The following NECTIN3 variants were observed in gnomAD, a reference collection of about 807,000 sequenced individuals.
NECTIN3 encodes the protein nectin cell adhesion molecule 3.
A neutral mutation model predicts 49.4 loss-of-function variants in NECTIN3; 8 were observed. The ratio of observed to expected loss-of-function variants is 0.16; its 90% CI spans 0.10 to 0.29. The LOEUF (loss-of-function observed/expected upper bound fraction) is 0.29. Ranked by LOEUF, NECTIN3 falls within the 10% of genes least tolerant of loss-of-function variation. The pLI is 1.00. For synonymous variants in NECTIN3, 277 were observed against 241.1 expected (o/e 1.15, Z -1.38); for missense variants, 581 against 654.6 (o/e 0.89, Z 1.23).
intron 7 of NECTIN3, among the ~76,000 whole-genome samples, chr3:111,183,546 T>C (rs143775962): frequency 0.013 from 2,036 of 152,258 alleles, 49 homozygotes; most frequent in African/African-American, 0.047. Context: ...ACTCCTGACC[T>C]GAAGTGATCT....
chr3:111,110,556 GACT>G (rs1172920497), intron 1 of NECTIN3, among the ~76,000 whole-genome samples: 10 of 151,894 alleles, frequency 6.6e-5, no homozygotes, highest in Admixed American at 1.3e-4. Flanking sequence ...ATATTCATGA[GACT>G]ACTTTTTTAT....
chr3:111,106,570 A>G (rs758012189), intron 1 of NECTIN3, among the ~76,000 whole-genome samples: 16 of 152,194 alleles, frequency 1.1e-4, no homozygotes, highest in Non-Finnish European at 1.8e-4. Context: ...TTCAGAGTTG[A>G]CATGACTTAC....
upstream of NECTIN3, among the ~76,000 whole-genome samples, chr3:111,189,481 T>G (rs1026277678): frequency 2.6e-5 from 4 of 152,198 alleles, no homozygotes; most frequent in African/African-American, 9.7e-5. Flanking sequence ...ATGGATTAAC[T>G]CTTCTCATGG....
Position 111,134,475 on chromosome 3 carries a change from C to G in NECTIN3, c.*260C>G. The G allele has an allele frequency of 3.6e-6, 4 of 1,108,856 alleles. No homozygotes were observed. The highest frequency in any genetic ancestry group is 4.4e-6 in the Non-Finnish European group (4 of 907,780). 68.7% of individuals were successfully genotyped at this position (1,108,856 alleles called of 1,614,324 possible). On this transcript the variant is annotated 3_prime_UTR_variant, in exon 6 of 6. Coordinates refer to ENST00000485303, the MANE Select transcript of NECTIN3 (RefSeq NM_015480.3). Reference sequence around the variant, plus strand: ...CAGAGTACTTTATTGGTGTGAGGCACACAGGTAAGAAGAAATGTCAACATT... The same window carrying G: ...CAGAGTACTTTATTGGTGTGAGGCAGACAGGTAAGAAGAAATGTCAACATT...
chr3:111,093,178 C>T (rs960987573), intron 1 of NECTIN3, among the ~76,000 whole-genome samples: 10 of 152,150 alleles, frequency 6.6e-5, no homozygotes, highest in African/African-American at 2.4e-4. Flanking sequence ...TTAGTTCTAA[C>T]AGCCTCTTCC....
At chr3:111,144,799 C>G in intron 5 of NECTIN3, 1 of 1,325,858 alleles carries the variant, frequency 7.5e-7, no homozygotes, top group Non-Finnish European at 1.0e-6. Flanking sequence ...TCTTGGATAA[C>G]ATACTTCAGT....
intron 2 of NECTIN3, among the ~76,000 whole-genome samples, chr3:111,116,113 A>G (rs1438952982): frequency 6.6e-6 from 1 of 152,108 alleles, no homozygotes; most frequent in Non-Finnish European, 1.5e-5. Context: ...TTATCAGATA[A>G]AAGTTTTTAA....
intron 2 of NECTIN3, among the ~76,000 whole-genome samples, chr3:111,116,422 C>G (rs1373969214): frequency 1.3e-5 from 2 of 152,110 alleles, no homozygotes; most frequent in Non-Finnish European, 2.9e-5. Flanking sequence ...ACAACAAATA[C>G]TGTAACACAT....
At chr3:111,086,852 C>T (rs2031962016) in intron 1 of NECTIN3, among the ~76,000 whole-genome samples, 3 of 152,046 alleles carry the variant, frequency 2.0e-5, no homozygotes, top group African/African-American at 4.8e-5. Flanking sequence ...GTCTTCCAAT[C>T]CATGAGCCTG....
intron 4 of NECTIN3, among the ~76,000 whole-genome samples, chr3:111,122,536 T>C (rs2033999805): frequency 6.6e-6 from 1 of 152,116 alleles, no homozygotes; most frequent in African/African-American, 2.4e-5. Context: ...TAAATAATTA[T>C]AATTTTATGT....
chr3:111,192,618 G>C (rs556284828), intron 1 of NECTIN3, among the ~76,000 whole-genome samples: 1 of 152,316 alleles, frequency 6.6e-6, no homozygotes, highest in East Asian at 1.9e-4. Context: ...GTCTGTCCCA[G>C]AGACACCACA....
intron 1 of NECTIN3, among the ~76,000 whole-genome samples, chr3:111,093,006 T>C (rs1457114036): frequency 6.6e-6 from 1 of 152,242 alleles, no homozygotes; most frequent in East Asian, 1.9e-4. Context: ...ATTTTCAGTG[T>C]AAGCTTTACA....
chr3:111,082,753 A>G (rs776381501), intron 1 of NECTIN3, among the ~76,000 whole-genome samples: 74 of 152,248 alleles, frequency 4.9e-4, no homozygotes, highest in Non-Finnish European at 9.6e-4. Context: ...GTTTATTTCT[A>G]TTGTTATTAG....
chr3:111,182,770 G>T (rs1229225734), intron 7 of NECTIN3, among the ~76,000 whole-genome samples: 1 of 151,678 alleles, frequency 6.6e-6, no homozygotes, highest in African/African-American at 2.4e-5. Context: ...GTTGGGTATT[G>T]CCTTGTTACC....
rs952046242 is a variant in NECTIN3 at position 111,157,551 on chromosome 3, A to C, written c.1221+10067A>C. 3.9e-5 allele frequency among the ~76,000 whole-genome samples: 6 copies of C among 152,084 alleles called. No individual in the cohort carries two copies. The East Asian group carries it at 1.2e-3, about 29-fold the overall frequency. ...TAGTTTTTCTTTGTAATTTTAAAAA[A>C]CAGAATTTGAACTGCAAGATGAAGG... On this transcript the variant is annotated intron_variant, in intron 7 of 8. Coordinates refer to the NECTIN3 transcript ENST00000493615.
chr3:111,088,299 C>T (rs1243347389), intron 1 of NECTIN3, among the ~76,000 whole-genome samples: 2 of 152,146 alleles, frequency 1.3e-5, no homozygotes, highest in South Asian at 2.1e-4. Flanking sequence ...CTGTCCTTTG[C>T]CTTCTGCCAT....
intron 1 of NECTIN3, among the ~76,000 whole-genome samples, chr3:111,093,446 CAG>C (rs1294270799): frequency 2.2e-5 from 3 of 134,590 alleles, no homozygotes; most frequent in African/African-American, 7.9e-5. Flanking sequence ...TTTTTTGAGA[CAG>C]AGTTTCGCTC....
intron 4 of NECTIN3, among the ~76,000 whole-genome samples, chr3:111,122,927 T>C (rs1162931568): frequency 6.6e-6 from 1 of 152,086 alleles, no homozygotes; most frequent in African/African-American, 2.4e-5. Context: ...CTCTTTTTTA[T>C]TCCTGTTCAC....
intron 3 of NECTIN3, among the ~76,000 whole-genome samples, chr3:111,119,697 C>A (rs1056137252): frequency 3.5e-4 from 53 of 152,242 alleles, no homozygotes; most frequent in African/African-American, 1.3e-3. Context: ...TTAATACATT[C>A]TTTGTGATTT....
Sources: gnomAD v4.1 joint callset for allele counts (sites outside exome capture counted in the v4.1 genomes callset) on GRCh38, gnomAD v4.1.1 for gene constraint, MANE v1.5 for transcripts, NCBI Gene and HGNC (gene_info 2026-07-23, HGNC 2026-07-21) for gene names.